The following UPK1B variants were observed in gnomAD, a reference collection of about 807,000 sequenced individuals.
UPK1B encodes the protein uroplakin-1b.
A neutral mutation model predicts 34.2 loss-of-function variants in UPK1B; 28 were observed. The observed-to-expected ratio is 0.82, with a 90% CI of 0.61 to 1.12. The LOEUF (loss-of-function observed/expected upper bound fraction) is 1.12, where lower values mean the gene tolerates loss of function less well. Among genes scored for constraint, UPK1B ranks in the 50% most tolerant of loss-of-function variants. The pLI is 0.00. For synonymous variants in UPK1B, 81 were observed against 110.4 expected (o/e 0.73, Z 1.67); for missense variants, 325 against 320.9 (o/e 1.01, Z -0.10).
In UPK1B at chr3:119,189,809, T is replaced by C. The variant is rs561405425; in HGVS notation, c.271-436T>C. 5.3e-5 allele frequency among the ~76,000 whole-genome samples: 8 copies of C among 152,334 alleles called. No homozygotes were observed. In the South Asian group the frequency reaches 1.7e-3, roughly 32 times the overall value. On this transcript the variant is annotated intron_variant, in intron 3 of 7. Coordinates refer to ENST00000264234, the MANE Select transcript of UPK1B (RefSeq NM_006952.4). ...AATTGTAAAGAAAATTTCTCCAAAA[T>C]TCCAAAATTAAAGGGGATTTATGAG...
chr3:119,194,421 A>C lies in UPK1B; in HGVS notation c.648+23A>C, dbSNP rs765774198. 5.0e-6 allele frequency: 8 copies of C among 1,589,814 alleles called. No homozygotes were observed. The South Asian group carries it at 7.9e-5, about 16-fold the overall frequency. On this transcript the variant is annotated intron_variant, in intron 6 of 7. Transcript: ENST00000264234. ...CAGGTGAGTCCTCTCTCCTCCCAAG[A>C]CTTCCCAGGAGGTTCTGCTGCTCTT...
At chr3:119,202,603 GC>G (rs1330796713) in intron 7 of UPK1B, among the ~76,000 whole-genome samples, 2 of 152,064 alleles carry the variant, frequency 1.3e-5, no homozygotes, top group Non-Finnish European at 2.9e-5. Flanking sequence ...AAGTGACTTG[GC>G]TAAAGTTACC....
intron 1 of UPK1B, among the ~76,000 whole-genome samples, chr3:119,178,322 G>T (rs1050546973): frequency 1.3e-5 from 2 of 152,200 alleles, no homozygotes; most frequent in Admixed American, 6.5e-5. Flanking sequence ...AACAGAGAGT[G>T]GGGGGACAAG....
intron 1 of UPK1B, among the ~76,000 whole-genome samples, chr3:119,182,973 G>A (rs2077995814): frequency 1.3e-5 from 2 of 152,182 alleles, no homozygotes; most frequent in Admixed American, 6.5e-5. Context: ...ATGCAAATAT[G>A]AGCATCGTGT....
chr3:119,198,350 G>T (rs1482708449), intron 6 of UPK1B, among the ~76,000 whole-genome samples: 3 of 152,144 alleles, frequency 2.0e-5, no homozygotes, highest in African/African-American at 7.2e-5. Context: ...GGTAGAGGCT[G>T]CTCAGATGGC....
chr3:119,177,525 T>G (rs2077962512), intron 1 of UPK1B, among the ~76,000 whole-genome samples: 1 of 152,254 alleles, frequency 6.6e-6, no homozygotes, highest in African/African-American at 2.4e-5. Flanking sequence ...CCAGAACTGA[T>G]GTATCATGCC....
chr3:119,175,058 C>G (rs2077949173), intron 1 of UPK1B, among the ~76,000 whole-genome samples: 1 of 108,436 alleles, frequency 9.2e-6, no homozygotes, highest in African/African-American at 3.5e-5. Flanking sequence ...GAGACGGAGT[C>G]ACTCTGAGGC....
chr3:119,199,220 C>A, intron 7 of UPK1B, 80 bp downstream of exon 7: 1 of 1,483,584 alleles, frequency 6.7e-7, no homozygotes. Flanking sequence ...GTTACCTCAA[C>A]CACACTAGAA....
intron 1 of UPK1B, among the ~76,000 whole-genome samples, chr3:119,183,908 A>G (rs1239228657): frequency 6.6e-6 from 1 of 152,174 alleles, no homozygotes; most frequent in Non-Finnish European, 1.5e-5. Context: ...TGCCATTGAT[A>G]CCAAAGGCCT....
At chr3:119,174,987 C>T (rs1470736092) in intron 1 of UPK1B, among the ~76,000 whole-genome samples, 1 of 129,702 alleles carries the variant, frequency 7.7e-6, no homozygotes, top group African/African-American at 2.8e-5. Flanking sequence ...AAAAGAAACT[C>T]AGAACTTTTT....
At chr3:119,190,659 T>C (rs755998946) in intron 4 of UPK1B, among the ~76,000 whole-genome samples, 3 of 152,236 alleles carry the variant, frequency 2.0e-5, no homozygotes, top group Non-Finnish European at 2.9e-5. Context: ...GGCCTTCCAA[T>C]GGGAGGATCT....
chr3:119,187,199 G>A lies in UPK1B; in HGVS notation c.69+389G>A, dbSNP rs572936747. Among the ~76,000 whole-genome samples, 10 of 152,248 alleles carry A rather than the reference G, an allele frequency of 6.6e-5. No individual in the cohort carries two copies. In the South Asian group the frequency reaches 1.9e-3, roughly 28 times the overall value. ...TGCATCTTGTTCTTCTCATACAGAGGCCAGTACCAGGGTGTAAGAATAATA... is the reference window on the plus strand; with the variant it reads ...TGCATCTTGTTCTTCTCATACAGAGACCAGTACCAGGGTGTAAGAATAATA... On this transcript the variant is annotated intron_variant, in intron 2 of 7. Transcript: ENST00000264234.
At chr3:119,198,006 G>A (rs2078074167) in intron 6 of UPK1B, among the ~76,000 whole-genome samples, 1 of 152,200 alleles carries the variant, frequency 6.6e-6, no homozygotes, top group Admixed American at 6.5e-5. Context: ...GCATAAAGGA[G>A]ATCAGTATGA....
intron 7 of UPK1B, among the ~76,000 whole-genome samples, chr3:119,202,640 A>T (rs1202107247): frequency 6.6e-6 from 1 of 152,252 alleles, no homozygotes; most frequent in Non-Finnish European, 1.5e-5. Flanking sequence ...GATCTAAAAC[A>T]GAGCCCAAAT....
At position 119,190,968 on chromosome 3, in the gene UPK1B, T is replaced by C; in HGVS notation, c.346-14T>C. 1 of 1,613,020 alleles carries C rather than the reference T, an allele frequency of 6.2e-7. No homozygotes were observed. Among genetic ancestry groups the C allele is most frequent in the Non-Finnish European group, 8.5e-7 (1 of 1,179,476 alleles). ...TGCTATCTCTCCCTCTTGTGTTGCC[T>C]CTTCCTACTATAGTTCACACCCAAC... On this transcript the variant is annotated splice_polypyrimidine_tract_variant and intron_variant, in intron 4 of 7. Transcript: ENST00000264234.
At chr3:119,197,072 T>C (rs2078070994) in intron 6 of UPK1B, among the ~76,000 whole-genome samples, 1 of 152,168 alleles carries the variant, frequency 6.6e-6, no homozygotes, top group Non-Finnish European at 1.5e-5. Context: ...GACAACCATA[T>C]TGTAGGTTTT....
chr3:119,191,932 C>T (rs1181349156), intron 5 of UPK1B, among the ~76,000 whole-genome samples: 1 of 152,184 alleles, frequency 6.6e-6, no homozygotes, highest in African/African-American at 2.4e-5. Flanking sequence ...CAATATCTCA[C>T]TTAACTATCT....
chr3:119,180,621 G>T (rs1340031354), intron 1 of UPK1B, among the ~76,000 whole-genome samples: 1 of 150,766 alleles, frequency 6.6e-6, no homozygotes, highest in Non-Finnish European at 1.5e-5. Context: ...CTTCCCTTTT[G>T]TTCTTTCTCC....
chr3:119,184,064 G>A (rs1294674358), intron 1 of UPK1B, among the ~76,000 whole-genome samples: 1 of 152,118 alleles, frequency 6.6e-6, no homozygotes, highest in Non-Finnish European at 1.5e-5. Context: ...TCATGTCCTT[G>A]CCTAGGTTTC....
Sources: allele counts gnomAD v4.1 joint callset (sites outside exome capture counted in the v4.1 genomes callset), GRCh38; gene constraint gnomAD v4.1.1; transcripts MANE v1.5; gene names NCBI Gene and HGNC (gene_info 2026-07-23, HGNC 2026-07-21).